The following CA10 variants were observed in gnomAD, a reference collection of about 807,000 sequenced individuals.
CA10 encodes the protein carbonic anhydrase-related protein 10.
In CA10, 14 loss-of-function variants were observed where a neutral mutation model predicts 44.2. The ratio of observed to expected loss-of-function variants is 0.32; its 90% CI spans 0.21 to 0.50. The LOEUF (loss-of-function observed/expected upper bound fraction) is 0.50. CA10 is among the 20% of genes least tolerant of loss of function. The probability of loss-of-function intolerance (pLI) is 0.99; values close to 1 mark genes in which losing one functional copy is unlikely to be tolerated. For synonymous variants in CA10, 159 were observed against 141.6 expected (o/e 1.12, Z -0.87); for missense variants, 350 against 409.7 (o/e 0.85, Z 1.26).
intron 3 of CA10, among the ~76,000 whole-genome samples, chr17:51,896,187 G>A (rs1052047277): frequency 2.0e-5 from 3 of 151,950 alleles, no homozygotes; most frequent in Admixed American, 2.0e-4. Flanking sequence ...TATTTAATCA[G>A]CCAGGTAATA....
intron 1 of CA10, among the ~76,000 whole-genome samples, chr17:52,137,966 T>C (rs532064411): frequency 3.3e-5 from 5 of 152,334 alleles, no homozygotes; most frequent in Admixed American, 2.0e-4. Flanking sequence ...TGCATCAGTT[T>C]CCCATTGCTG....
intron 4 of CA10, among the ~76,000 whole-genome samples, chr17:51,703,158 C>G (rs114868631): frequency 6.6e-6 from 1 of 151,954 alleles, no homozygotes; most frequent in African/African-American, 2.4e-5. Context: ...GTTTCATGCT[C>G]GGAGGGCAAA....
chr17:51,964,052 G>A (rs1983990225), intron 2 of CA10, among the ~76,000 whole-genome samples: 1 of 151,986 alleles, frequency 6.6e-6, no homozygotes, highest in Non-Finnish European at 1.5e-5. Flanking sequence ...ATAGGTTAAA[G>A]TAAAGGGCTG....
intron 4 of CA10, among the ~76,000 whole-genome samples, chr17:51,722,720 C>T (rs1916386651): frequency 1.3e-5 from 2 of 152,166 alleles, no homozygotes; most frequent in African/African-American, 4.8e-5. Context: ...AGAATGGAAT[C>T]TCAGAAAGAC....
chr17:51,869,774 TTGTC>T (rs1046582796), intron 3 of CA10, among the ~76,000 whole-genome samples: 3 of 152,022 alleles, frequency 2.0e-5, no homozygotes, highest in Non-Finnish European at 2.9e-5. Context: ...AAAAAGCAGT[TTGTC>T]TGCCAGAGTA....
intron 2 of CA10, among the ~76,000 whole-genome samples, chr17:52,012,751 A>G (rs930797897): frequency 3.9e-5 from 6 of 151,980 alleles, no homozygotes; most frequent in African/African-American, 1.4e-4. Context: ...ATATCAAATA[A>G]TTCTCTTTGT....
intron 4 of CA10, among the ~76,000 whole-genome samples, chr17:51,709,367 C>G (rs1263975): frequency 0.38 from 58,297 of 151,940 alleles, 11,542 homozygotes; most frequent in Admixed American, 0.45. Context: ...GCTCTGGGGG[C>G]TTAGAGTTCA....
intron 3 of CA10, among the ~76,000 whole-genome samples, chr17:51,852,224 C>T (rs1415324586): frequency 1.3e-5 from 2 of 152,188 alleles, no homozygotes; most frequent in Admixed American, 1.3e-4. Flanking sequence ...GGTGGATGGA[C>T]ACTCAGTCAT....
At chr17:52,072,702 C>CACAA in intron 1 of CA10, among the ~76,000 whole-genome samples, 1 of 151,554 alleles carries the variant, frequency 6.6e-6, no homozygotes, top group East Asian at 1.9e-4. Context: ...CACACACACA[C>CACAA]ACACACACAC....
intron 3 of CA10, among the ~76,000 whole-genome samples, chr17:51,843,964 A>T (rs1186009941): frequency 6.6e-6 from 1 of 152,230 alleles, no homozygotes; most frequent in Non-Finnish European, 1.5e-5. Flanking sequence ...CTTAGTCAAC[A>T]TCATAACTGA....
chr17:51,644,586 G>A (rs1342804323), intron 6 of CA10, among the ~76,000 whole-genome samples: 4 of 151,872 alleles, frequency 2.6e-5, no homozygotes, highest in Non-Finnish European at 5.9e-5. Flanking sequence ...CTCTTCTTGG[G>A]TACCTTATAA....
chr17:51,926,752 G>T (rs1469054707), intron 3 of CA10, among the ~76,000 whole-genome samples: 1 of 152,140 alleles, frequency 6.6e-6, no homozygotes, highest in Non-Finnish European at 1.5e-5. Flanking sequence ...CAAGGGGTTT[G>T]CCTGGATAGT....
intron 2 of CA10, among the ~76,000 whole-genome samples, chr17:51,939,377 G>C (rs1982989778): frequency 6.6e-6 from 1 of 152,024 alleles, no homozygotes; most frequent in Non-Finnish European, 1.5e-5. Context: ...TAGCCTCAGA[G>C]ATATTCTTTT....
chr17:51,689,929 A>G (rs2143419520), intron 4 of CA10, among the ~76,000 whole-genome samples: 1 of 151,986 alleles, frequency 6.6e-6, no homozygotes, highest in Non-Finnish European at 1.5e-5. Flanking sequence ...TGTGGTGAGA[A>G]CACTTAAAAT....
intron 4 of CA10, among the ~76,000 whole-genome samples, chr17:51,733,376 A>G (rs545865667): frequency 6.6e-6 from 1 of 152,154 alleles, no homozygotes; most frequent in African/African-American, 2.4e-5. Context: ...TTGAGAAGGC[A>G]GGGAGGCTGG....
At chr17:51,946,023 G>C (rs1983259504) in intron 2 of CA10, among the ~76,000 whole-genome samples, 1 of 152,086 alleles carries the variant, frequency 6.6e-6, no homozygotes, top group Admixed American at 6.6e-5. Flanking sequence ...GGATGAACCT[G>C]GGGGGCGGCT....
At chr17:51,695,601 C>A (rs765071720) in intron 4 of CA10, among the ~76,000 whole-genome samples, 1 of 152,148 alleles carries the variant, frequency 6.6e-6, no homozygotes, top group Non-Finnish European at 1.5e-5. Context: ...GGTATCATAT[C>A]ATCAGCAAAG....
At chr17:51,946,085 G>T (rs1342915867) in intron 2 of CA10, among the ~76,000 whole-genome samples, 1 of 152,100 alleles carries the variant, frequency 6.6e-6, no homozygotes. Context: ...TCACTTACAC[G>T]TGGATTCTAA....
intron 3 of CA10, among the ~76,000 whole-genome samples, chr17:51,852,889 A>G (rs1038500678): frequency 1.3e-5 from 2 of 152,200 alleles, no homozygotes; most frequent in Admixed American, 6.5e-5. Context: ...CTCCTACATC[A>G]TGCTACTTAC....
Sources: allele counts gnomAD v4.1 joint callset (sites outside exome capture counted in the v4.1 genomes callset), GRCh38; gene constraint gnomAD v4.1.1; transcripts MANE v1.5; gene names NCBI Gene and HGNC (gene_info 2026-07-23, HGNC 2026-07-21).